HTR1F: variants seen among roughly 807,000 people sequenced by gnomAD.
The protein encoded by HTR1F is 5-hydroxytryptamine receptor 1F, also known as 5-hydroxytryptamine (serotonin) receptor 1F, G protein-coupled.
Under a neutral mutation model 24.0 loss-of-function variants are expected in HTR1F, and 17 were observed. That is an observed-to-expected ratio of 0.71 (90% CI 0.48 to 1.06). HTR1F has a LOEUF of 1.06. Ranked by LOEUF, HTR1F falls within the 50% of genes least tolerant of loss-of-function variation. The probability of loss-of-function intolerance (pLI) is 0.00; values close to 1 mark genes in which losing one functional copy is unlikely to be tolerated. For synonymous variants in HTR1F, 186 were observed against 156.8 expected (o/e 1.19, Z -1.39); for missense variants, 391 against 427.8 (o/e 0.91, Z 0.76).
At chr3:87,952,782 C>T (rs1190269103) in intron 2 of HTR1F, among the ~76,000 whole-genome samples, 1 of 151,672 alleles carries the variant, frequency 6.6e-6, no homozygotes, top group Non-Finnish European at 1.5e-5. Context: ...CAATGGTCAC[C>T]CACCACATCC....
intron 2 of HTR1F, among the ~76,000 whole-genome samples, chr3:87,903,637 G>C (rs539943056): frequency 1.3e-5 from 2 of 151,696 alleles, no homozygotes; most frequent in Middle Eastern, 3.4e-3. Context: ...AGGTGCTGGA[G>C]AGGATGTGGA....
At chr3:87,806,398 T>A (rs1359946556) in intron 1 of HTR1F, among the ~76,000 whole-genome samples, 2 of 152,116 alleles carry the variant, frequency 1.3e-5, no homozygotes, top group Non-Finnish European at 2.9e-5. Flanking sequence ...TACCAGCATC[T>A]GTAATTTTTT....
At chr3:87,975,378 G>C (rs1705372782) in intron 2 of HTR1F, among the ~76,000 whole-genome samples, 1 of 151,952 alleles carries the variant, frequency 6.6e-6, no homozygotes, top group African/African-American at 2.4e-5. Flanking sequence ...GATACTATTT[G>C]GTATCAATTT....
At chr3:87,826,807 CATT>C (rs1292231650) in intron 2 of HTR1F, among the ~76,000 whole-genome samples, 1 of 151,924 alleles carries the variant, frequency 6.6e-6, no homozygotes, top group Admixed American at 6.6e-5. Flanking sequence ...GTGTTGCTAT[CATT>C]ATTATTATTA....
chr3:87,966,136 A>G (rs1446306330), intron 2 of HTR1F, among the ~76,000 whole-genome samples: 1 of 152,162 alleles, frequency 6.6e-6, no homozygotes, highest in Non-Finnish European at 1.5e-5. Flanking sequence ...TTTGGTGTCT[A>G]TGTTCCTCAT....
At chr3:87,887,262 G>A (rs1705970973) in intron 2 of HTR1F, among the ~76,000 whole-genome samples, 1 of 152,120 alleles carries the variant, frequency 6.6e-6, no homozygotes, top group Non-Finnish European at 1.5e-5. Context: ...TGGGAAAACT[G>A]GCTAGCCATA....
chr3:87,970,139 T>C (rs1705255858), intron 2 of HTR1F, among the ~76,000 whole-genome samples: 1 of 152,174 alleles, frequency 6.6e-6, no homozygotes, highest in Admixed American at 6.5e-5. Context: ...GGATGAGAGG[T>C]AAATGTAGGT....
chr3:87,959,641 G>A (rs1705018675), intron 2 of HTR1F, among the ~76,000 whole-genome samples: 1 of 151,888 alleles, frequency 6.6e-6, no homozygotes, highest in South Asian at 2.1e-4. Context: ...AATATGAAAT[G>A]TAAAAAGTGC....
intron 2 of HTR1F, among the ~76,000 whole-genome samples, chr3:87,906,663 C>A (rs907114048): frequency 6.6e-6 from 1 of 151,876 alleles, no homozygotes; most frequent in African/African-American, 2.4e-5. Flanking sequence ...ACACTGTACC[C>A]AATGTGTAGT....
chr3:87,831,215 A>G (rs1282589184), intron 2 of HTR1F, among the ~76,000 whole-genome samples: 1 of 151,880 alleles, frequency 6.6e-6, no homozygotes, highest in Non-Finnish European at 1.5e-5. Flanking sequence ...TCATGCTCCA[A>G]TGAAGTAATA....
chr3:87,911,011 C>CA (rs1231554358), intron 2 of HTR1F, among the ~76,000 whole-genome samples: 1 of 151,612 alleles, frequency 6.6e-6, no homozygotes, highest in Non-Finnish European at 1.5e-5. Context: ...ATGCCTACAT[C>CA]AAAAAAGTGA....
At chr3:87,861,644 T>C (rs1426160810) in intron 2 of HTR1F, among the ~76,000 whole-genome samples, 1 of 152,158 alleles carries the variant, frequency 6.6e-6, no homozygotes, top group African/African-American at 2.4e-5. Flanking sequence ...TTGCTGAAGT[T>C]TGAGGCCTTG....
At chr3:87,846,525 T>C (rs1243819575) in intron 2 of HTR1F, among the ~76,000 whole-genome samples, 1 of 151,776 alleles carries the variant, frequency 6.6e-6, no homozygotes, top group African/African-American at 2.4e-5. Flanking sequence ...ATGAGAAAAA[T>C]AAGGCTCATA....
chr3:87,873,525 A>C (rs566374603), intron 2 of HTR1F, among the ~76,000 whole-genome samples: 49 of 152,284 alleles, frequency 3.2e-4, no homozygotes, highest in African/African-American at 1.1e-3. Flanking sequence ...AATCATCTCT[A>C]CTCAGGCTGC....
intron 2 of HTR1F, among the ~76,000 whole-genome samples, chr3:87,832,409 C>A (rs762313607): frequency 6.7e-6 from 1 of 150,076 alleles, no homozygotes; most frequent in African/African-American, 2.5e-5. Context: ...CTCACTGCAA[C>A]CTCTTCCTCC....
intron 2 of HTR1F, among the ~76,000 whole-genome samples, chr3:87,980,384 C>T (rs959464152): frequency 6.6e-6 from 1 of 152,174 alleles, no homozygotes. Context: ...TGGGTAGCTC[C>T]TATCCATGGG....
intron 2 of HTR1F, among the ~76,000 whole-genome samples, chr3:87,906,053 T>C (rs902214852): frequency 6.6e-6 from 1 of 152,130 alleles, no homozygotes; most frequent in African/African-American, 2.4e-5. Context: ...AATTGAACTA[T>C]ACATTATTGT....
At chr3:87,948,607 C>A (rs1009854408) in intron 2 of HTR1F, among the ~76,000 whole-genome samples, 1 of 151,924 alleles carries the variant, frequency 6.6e-6, no homozygotes, top group Non-Finnish European at 1.5e-5. Context: ...TCATCAGTCT[C>A]CCAAGTAGCT....
intron 2 of HTR1F, among the ~76,000 whole-genome samples, chr3:87,877,847 C>T (rs920948651): frequency 6.6e-5 from 10 of 152,126 alleles, no homozygotes; most frequent in Non-Finnish European, 1.3e-4. Flanking sequence ...GATAAGAGAA[C>T]GGGGAAATGT....
Sources: gnomAD v4.1 joint callset for allele counts (sites outside exome capture counted in the v4.1 genomes callset) on GRCh38, gnomAD v4.1.1 for gene constraint, MANE v1.5 for transcripts, NCBI Gene and HGNC (gene_info 2026-07-23, HGNC 2026-07-21) for gene names.